Variants in PTPRR observed in about 807,000 individuals in gnomAD.
PTPRR encodes the protein receptor-type tyrosine-protein phosphatase R.
Under a neutral mutation model 77.2 loss-of-function variants are expected in PTPRR, and 38 were observed. That is an observed-to-expected ratio of 0.49 (90% CI 0.38 to 0.65). PTPRR has a LOEUF of 0.65. PTPRR is among the 30% of genes least tolerant of loss of function. The pLI, the probability that PTPRR is intolerant of heterozygous loss-of-function variation, is 0.00. For synonymous variants in PTPRR, 299 were observed against 283.1 expected (o/e 1.06, Z -0.57); for missense variants, 744 against 799.2 (o/e 0.93, Z 0.83).
At chr12:70,644,709 T>C (rs1030782307) in intron 13 of PTPRR, among the ~76,000 whole-genome samples, 4 of 152,182 alleles carry the variant, frequency 2.6e-5, no homozygotes, top group African/African-American at 4.8e-5. Flanking sequence ...TCTGGTCAAA[T>C]AGGACTGGTT....
At chr12:70,803,002 T>C (rs1018691287) in intron 2 of PTPRR, among the ~76,000 whole-genome samples, 2 of 152,226 alleles carry the variant, frequency 1.3e-5, no homozygotes, top group Non-Finnish European at 2.9e-5. Context: ...ATTTGGTTTA[T>C]ATTACATGCC....
intron 2 of PTPRR, among the ~76,000 whole-genome samples, chr12:70,883,416 G>T (rs1212585642): frequency 6.6e-6 from 1 of 152,114 alleles, no homozygotes; most frequent in African/African-American, 2.4e-5. Flanking sequence ...CTGGTAAGCC[G>T]AATGATTACC....
At chr12:70,739,499 T>C in intron 6 of PTPRR, among the ~76,000 whole-genome samples, 1 of 152,202 alleles carries the variant, frequency 6.6e-6, no homozygotes, top group Non-Finnish European at 1.5e-5. Context: ...TCTTCAGATG[T>C]GAAGCAACAT....
At chr12:70,788,369 G>A (rs1201931380) in intron 2 of PTPRR, among the ~76,000 whole-genome samples, 1 of 152,160 alleles carries the variant, frequency 6.6e-6, no homozygotes, top group African/African-American at 2.4e-5. Context: ...AAAATGTCTA[G>A]ATTTAGTGAA....
chr12:70,708,447 T>G (rs1411860291), intron 6 of PTPRR, among the ~76,000 whole-genome samples: 1 of 152,174 alleles, frequency 6.6e-6, no homozygotes, highest in Non-Finnish European at 1.5e-5. Flanking sequence ...TTGAATCTTG[T>G]TTAAGCATCA....
intron 2 of PTPRR, among the ~76,000 whole-genome samples, chr12:70,889,802 C>T (rs1468065850): frequency 2.0e-5 from 3 of 151,988 alleles, no homozygotes; most frequent in Non-Finnish European, 4.4e-5. Flanking sequence ...TCTTCTCCTC[C>T]ATCTTCTCCT....
intron 12 of PTPRR, among the ~76,000 whole-genome samples, chr12:70,660,219 T>C (rs1048005882): frequency 1.4e-4 from 18 of 129,280 alleles, no homozygotes; most frequent in African/African-American, 4.1e-4. Flanking sequence ...TAAATAGTTG[T>C]TCATATAAAT....
intron 12 of PTPRR, among the ~76,000 whole-genome samples, chr12:70,657,229 T>G (rs907289648): frequency 2.0e-5 from 3 of 151,870 alleles, no homozygotes; most frequent in South Asian, 2.1e-4. Context: ...GAAAGAAGAA[T>G]GGTGATGCCC....
At chr12:70,872,515 G>A (rs972992369) in intron 2 of PTPRR, among the ~76,000 whole-genome samples, 1 of 151,600 alleles carries the variant, frequency 6.6e-6, no homozygotes, top group African/African-American at 2.4e-5. Flanking sequence ...CTAACATGAT[G>A]AAACCCCGTC....
intron 2 of PTPRR, among the ~76,000 whole-genome samples, chr12:70,839,760 C>T (rs1417856983): frequency 1.3e-5 from 2 of 152,224 alleles, no homozygotes; most frequent in Non-Finnish European, 2.9e-5. Flanking sequence ...TATTCACATG[C>T]GGGCCAGGTA....
chr12:70,679,179 A>T (rs1336323305), intron 10 of PTPRR, among the ~76,000 whole-genome samples: 1 of 152,036 alleles, frequency 6.6e-6, no homozygotes, highest in African/African-American at 2.4e-5. Flanking sequence ...TCATTGATCC[A>T]TTGGTTGTTT....
At chr12:70,827,628 C>A (rs1006779322) in intron 2 of PTPRR, among the ~76,000 whole-genome samples, 1 of 149,932 alleles carries the variant, frequency 6.7e-6, no homozygotes, top group Non-Finnish European at 1.5e-5. Context: ...TCACTGCAAC[C>A]TTTTTCTTCC....
intron 3 of PTPRR, among the ~76,000 whole-genome samples, chr12:70,763,198 T>C (rs550412886): frequency 6.6e-6 from 1 of 152,114 alleles, no homozygotes; most frequent in South Asian, 2.1e-4. Context: ...GAGTGATCTC[T>C]GCTCACTGCA....
chr12:70,814,530 G>A (rs1404806899), intron 2 of PTPRR, among the ~76,000 whole-genome samples: 1 of 152,176 alleles, frequency 6.6e-6, no homozygotes, highest in East Asian at 1.9e-4. Context: ...CCAACAGGGA[G>A]GTCCCCAGCT....
intron 12 of PTPRR, among the ~76,000 whole-genome samples, chr12:70,660,349 T>G (rs1334855212): frequency 6.6e-6 from 1 of 152,178 alleles, no homozygotes; most frequent in Non-Finnish European, 1.5e-5. Flanking sequence ...GCACAGACCC[T>G]GCTGCTGTTG....
intron 5 of PTPRR, among the ~76,000 whole-genome samples, chr12:70,749,014 C>T (rs1420229506): frequency 1.3e-5 from 2 of 152,168 alleles, no homozygotes; most frequent in African/African-American, 4.8e-5. Flanking sequence ...GTGCCCACAG[C>T]ACAGAGGTAT....
At position 70,884,871 on chromosome 12, in the gene PTPRR, C is replaced by CAAAAAAAAAAAAAAAA. The variant is rs529547383; in HGVS notation, c.357+7792_357+7807dup. Among the ~76,000 whole-genome samples, 29 of 53,936 alleles carry CAAAAAAAAAAAAAAAA rather than the reference C, an allele frequency of 5.4e-4. 2 individuals are homozygous for CAAAAAAAAAAAAAAAA. Among genetic ancestry groups the CAAAAAAAAAAAAAAAA allele is most frequent in the African/African-American group, 2.0e-3 (21 of 10,738 alleles). The allele number at this position is 53,936 out of a possible 152,430, so 35.4% of individuals were successfully genotyped here. A position where few individuals can be genotyped will look rare whatever the true frequency, so the allele number is the denominator to read the frequency against. ...TGGGCAACAGAGCAAAACTCTGTCT[C>CAAAAAAAAAAAAAAAA]AAAAAAAAAAAAAAAAAAAAAAAAA... On this transcript the variant is annotated intron_variant, in intron 2 of 13. Transcript: ENST00000283228.
intron 2 of PTPRR, among the ~76,000 whole-genome samples, chr12:70,831,034 ACAACT>A (rs1892202796): frequency 1.3e-5 from 2 of 152,184 alleles, no homozygotes; most frequent in Non-Finnish European, 2.9e-5. Context: ...AATCCTCATG[ACAACT>A]CAACACAAGA....
intron 8 of PTPRR, among the ~76,000 whole-genome samples, chr12:70,692,441 A>G (rs1888087693): frequency 6.6e-6 from 1 of 152,154 alleles, no homozygotes; most frequent in Admixed American, 6.5e-5. Flanking sequence ...TAATTCATTT[A>G]AGTGTAAACT....
Sources: allele counts gnomAD v4.1 joint callset (sites outside exome capture counted in the v4.1 genomes callset), GRCh38; gene constraint gnomAD v4.1.1; transcripts MANE v1.5; gene names NCBI Gene and HGNC (gene_info 2026-07-23, HGNC 2026-07-21).